MAP1B: variants seen among roughly 807,000 people sequenced by gnomAD.
MAP1B encodes the protein microtubule-associated protein 1B.
MAP1B carries 12 observed loss-of-function variants against 176.1 expected under a neutral mutation model. The ratio of observed to expected loss-of-function variants is 0.07; its 90% CI spans 0.04 to 0.11. The LOEUF (loss-of-function observed/expected upper bound fraction) is 0.11, where lower values mean the gene tolerates loss of function less well. Ranked by LOEUF, MAP1B falls within the 10% of genes least tolerant of loss-of-function variation. The probability of loss-of-function intolerance (pLI) is 1.00; values close to 1 mark genes in which losing one functional copy is unlikely to be tolerated. For synonymous variants in MAP1B, 1,044 were observed against 1,135.0 expected (o/e 0.92, Z 1.61); for missense variants, 2,523 against 2,990.5 (o/e 0.84, Z 3.65).
intron 2 of MAP1B, among the ~76,000 whole-genome samples, chr5:72,126,891 A>C (rs1012640287): frequency 3.3e-5 from 5 of 152,238 alleles, no homozygotes; most frequent in African/African-American, 1.2e-4. Flanking sequence ...GACAAAATTT[A>C]ATCATGTTTG....
chr5:72,144,784 G>T (rs958600284), intron 2 of MAP1B, among the ~76,000 whole-genome samples: 6 of 152,202 alleles, frequency 3.9e-5, no homozygotes, highest in Non-Finnish European at 2.9e-5. Context: ...CAGTTTTTTA[G>T]AGTGTTGGGG....
chr5:72,123,008 CT>C (rs1331848557), intron 2 of MAP1B, among the ~76,000 whole-genome samples: 1 of 152,136 alleles, frequency 6.6e-6, no homozygotes, highest in African/African-American at 2.4e-5. Flanking sequence ...AGCACAGTCT[CT>C]TTGCTTTTTC....
intron 2 of MAP1B, among the ~76,000 whole-genome samples, chr5:72,132,707 G>C (rs1489746523): frequency 6.6e-6 from 1 of 152,150 alleles, no homozygotes; most frequent in Non-Finnish European, 1.5e-5. Flanking sequence ...TCGTTTCATA[G>C]TGGCAACGTC....
intron 4 of MAP1B, 109 bp from the exon 5 acceptor site, chr5:72,193,757 C>G (rs1016152251): frequency 3.8e-5 from 47 of 1,239,388 alleles, no homozygotes; most frequent in Non-Finnish European, 4.9e-5. Flanking sequence ...GAAACTGGTC[C>G]TATGTGCATC....
chr5:72,172,769 T>C (rs184891237), intron 2 of MAP1B, among the ~76,000 whole-genome samples: 1 of 152,352 alleles, frequency 6.6e-6, no homozygotes, highest in East Asian at 1.9e-4. Flanking sequence ...AGGATGATTT[T>C]AAAGGAGGTC....
At chr5:72,170,255 A>G (rs1746510004) in intron 2 of MAP1B, among the ~76,000 whole-genome samples, 1 of 152,146 alleles carries the variant, frequency 6.6e-6, no homozygotes, top group South Asian at 2.1e-4. Context: ...CTATCCGTCA[A>G]AGTATGATTC....
rs756935821 is a variant in MAP1B, at chr5:72,195,019, A to C, written c.1664A>C (p.Lys555Thr). ...CCAGCCGCAAAACCACTTCCTAGCA[A>C]ATCCGTGCGCAAGGAGTCAAAAGAA... Reference protein sequence around the residue: ...LKPAAKPLPSKSVRKESKEET... With the variant: ...LKPAAKPLPSTSVRKESKEET... Residue 555 changes from lysine to threonine, a missense_variant, in exon 5 of 7, where the codon AAA becomes ACA. Around this residue, in one of 4 missense-constraint regions of MAP1B, gnomAD observed 1,925 missense variants for 2,126.0 expected, o/e 0.91. Transcript: ENST00000296755. 6.2e-7 allele frequency: 1 copy of C among 1,614,056 alleles called. No homozygotes were observed. Among genetic ancestry groups the C allele is most frequent in the Non-Finnish European group, 8.5e-7 (1 of 1,180,000 alleles).
At chr5:72,175,135 GCTCACTACAGC>G (rs1561306625) in intron 2 of MAP1B, among the ~76,000 whole-genome samples, 2 of 150,026 alleles carry the variant, frequency 1.3e-5, no homozygotes, top group Non-Finnish European at 3.0e-5. Flanking sequence ...TGTGATCTCG[GCTCACTACAGC>G]CTCAACCTCC....
intron 2 of MAP1B, among the ~76,000 whole-genome samples, chr5:72,159,305 G>A (rs1262806032): frequency 5.3e-5 from 8 of 152,198 alleles, no homozygotes; most frequent in Non-Finnish European, 1.2e-4. Flanking sequence ...AGAGTGTTTA[G>A]ATTAGTACAG....
chr5:72,192,900 G>A (rs550217965), intron 4 of MAP1B, among the ~76,000 whole-genome samples: 118 of 152,162 alleles, frequency 7.8e-4, no homozygotes, highest in Non-Finnish European at 1.6e-3. Context: ...TTCTGTTTTG[G>A]TCCTGATTTG....
rs1561315816 is a variant in MAP1B, at chr5:72,197,144, A to T, written c.3789A>T (p.Pro1263=). Residue 1263 remains proline, a synonymous_variant, in exon 5 of 7, where the codon CCA becomes CCT. Transcript: ENST00000296755. The part of the protein sequence containing the change: ...PSKSPSLSPS[P]PSPLEKTPLG... Reference sequence around the variant, plus strand: ...AGAGCCCGTCCCTGAGTCCATCTCCACCATCACCCTTAGAAAAGACCCCCC... The same window carrying T: ...AGAGCCCGTCCCTGAGTCCATCTCCTCCATCACCCTTAGAAAAGACCCCCC... 6.2e-7 allele frequency: 1 copy of T among 1,614,232 alleles called. No homozygotes were observed. The highest frequency in any genetic ancestry group is 8.5e-7 in the Non-Finnish European group (1 of 1,180,030).
intron 4 of MAP1B, among the ~76,000 whole-genome samples, chr5:72,188,523 T>G (rs570905767): frequency 1.3e-5 from 2 of 152,204 alleles, no homozygotes; most frequent in African/African-American, 2.4e-5. Context: ...AAAGGAAATA[T>G]GTAAAGAAAA....
chr5:72,182,640 T>A (rs1041355953), intron 2 of MAP1B, among the ~76,000 whole-genome samples: 1 of 152,232 alleles, frequency 6.6e-6, no homozygotes, highest in African/African-American at 2.4e-5. Flanking sequence ...ACTGGCCAAC[T>A]ATTTTTCTAG....
Position 72,186,632 on chromosome 5 carries a change from G to C in MAP1B, c.388G>C (p.Asp130His). 1 of 1,614,164 alleles carries C rather than the reference G, an allele frequency of 6.2e-7. No individual in the cohort carries two copies. Among genetic ancestry groups the C allele is most frequent in the South Asian group, 1.1e-5 (1 of 91,072 alleles). The change falls in exon 4 of 7, where the codon GAT becomes CAT. Residue 130 changes from aspartate (D) to histidine (H), a missense_variant. By Grantham distance (81) the Asp-to-His change is moderately conservative. Around this residue, in one of 4 missense-constraint regions of MAP1B, gnomAD observed 307 missense variants for 438.4 expected, o/e 0.70. Coordinates refer to ENST00000296755, the MANE Select transcript of MAP1B (RefSeq NM_005909.5). This position sits in a 1 kb window ranked among gnomAD's most constrained non-coding sequence, Gnocchi z 4.3. ...ATTTCAGGTGCGCTTAATGATCACT[G>C]ATGCTGCCCGACACAAGCTGCTCGT... ...VSTEVRLMIT[D>H]AARHKLLVLT...
chr5:72,138,396 A>G (rs1296867706), intron 2 of MAP1B, among the ~76,000 whole-genome samples: 1 of 152,202 alleles, frequency 6.6e-6, no homozygotes, highest in Non-Finnish European at 1.5e-5. Context: ...AAAGAGGACA[A>G]GATAGGCACC....
In MAP1B at chr5:72,197,305, C is replaced by T. The variant is rs1162912458; in HGVS notation, c.3950C>T (p.Thr1317Ile). ...CATTGTGCTAGTCCTGAGGACAAGA[C>T]TCTGGAAGTGGTGTCACCATCTCAG... ...EEHCASPEDK[T>I]LEVVSPSQSV... The change falls in exon 5 of 7, where the codon ACT (threonine) becomes ATT (isoleucine). Residue 1317 changes from threonine to isoleucine, a missense_variant. Transcript: ENST00000296755. The T allele has an allele frequency of 6.2e-7, 1 of 1,614,190 alleles. No individual in the cohort carries two copies. The highest frequency in any genetic ancestry group is 1.1e-5 in the South Asian group (1 of 91,078).
At chr5:72,143,993 C>T (rs1010630407) in intron 2 of MAP1B, among the ~76,000 whole-genome samples, 1 of 152,106 alleles carries the variant, frequency 6.6e-6, no homozygotes, top group African/African-American at 2.4e-5. Flanking sequence ...GGCGTGTTCT[C>T]CCTGTTTGTC....
intron 2 of MAP1B, among the ~76,000 whole-genome samples, chr5:72,182,985 C>T (rs931143520): frequency 7.2e-5 from 11 of 152,178 alleles, no homozygotes; most frequent in Non-Finnish European, 1.5e-4. Context: ...GTTCAGCCAC[C>T]GAATGACCCT....
At chr5:72,170,987 T>C (rs1470312022) in intron 2 of MAP1B, among the ~76,000 whole-genome samples, 1 of 152,056 alleles carries the variant, frequency 6.6e-6, no homozygotes, top group Non-Finnish European at 1.5e-5. Context: ...GTTTAATATA[T>C]AGGGCTAGAA....
Sources: gnomAD v4.1 joint callset for allele counts (sites outside exome capture counted in the v4.1 genomes callset) on GRCh38, gnomAD v4.1.1 for gene constraint, gnomAD v4.1.1 regional missense constraint, Gnocchi (gnomAD v3.1) non-coding constraint, MANE v1.5 for transcripts, NCBI Gene and HGNC (gene_info 2026-07-23, HGNC 2026-07-21) for gene names.